The following MTHFD2L variants were observed in gnomAD, a reference collection of about 807,000 sequenced individuals.
MTHFD2L encodes bifunctional methylenetetrahydrofolate dehydrogenase/cyclohydrolase 2, mitochondrial.
MTHFD2L carries 29 observed loss-of-function variants against 34.9 expected under a neutral mutation model. The ratio of observed to expected loss-of-function variants is 0.83; its 90% CI spans 0.62 to 1.13. The LOEUF (loss-of-function observed/expected upper bound fraction) is 1.13, where lower values mean the gene tolerates loss of function less well. Ranked by LOEUF, MTHFD2L falls within the 50% of genes most tolerant of loss-of-function variation. The probability of loss-of-function intolerance (pLI) is 0.00; values close to 1 mark genes in which losing one functional copy is unlikely to be tolerated. For missense variants in MTHFD2L, 481 were observed against 446.5 expected (o/e 1.08, Z -0.70); for synonymous variants, 167 against 155.7 (o/e 1.07, Z -0.54).
At chr4:74,215,765 G>A (rs1277521199) in intron 5 of MTHFD2L, among the ~76,000 whole-genome samples, 1 of 151,760 alleles carries the variant, frequency 6.6e-6, no homozygotes, top group African/African-American at 2.4e-5. Flanking sequence ...AAGGGGAGGA[G>A]AGGGCTGGAA....
At position 74,291,003 on chromosome 4, in the gene MTHFD2L, C is replaced by CTTTTTTTTTTTTT. The variant is rs10585551; in HGVS notation, c.931+9473_931+9485dup. Among the ~76,000 whole-genome samples, 80 of 29,280 alleles carry CTTTTTTTTTTTTT rather than the reference C, an allele frequency of 2.7e-3. 15 individuals are homozygous for CTTTTTTTTTTTTT. The highest frequency in any genetic ancestry group is 5.5e-3 in the African/African-American group (52 of 9,398). 19.2% of individuals were successfully genotyped at this position (29,280 alleles called of 152,430 possible). A position where few individuals can be genotyped will look rare whatever the true frequency, so the allele number is the denominator to read the frequency against. On this transcript the variant is annotated intron_variant, in intron 7 of 7. Coordinates refer to ENST00000325278, the MANE Select transcript of MTHFD2L (RefSeq NM_001144978.3). ...CTGTCTTACATTTATTTTTCCTTTTCTTTTTTTTTTTTTTTTTTTTTTTTT... is the reference window on the plus strand; with the variant it reads ...CTGTCTTACATTTATTTTTCCTTTTCTTTTTTTTTTTTTTTTTTTTTTTTTTTTTTTTTTTTTT...
intron 5 of MTHFD2L, among the ~76,000 whole-genome samples, chr4:74,221,536 A>C (rs1463446577): frequency 6.6e-5 from 10 of 151,090 alleles, no homozygotes; most frequent in Admixed American, 1.3e-4. Context: ...TTTAGTGCTG[A>C]ATTTTTGTTT....
At chr4:74,244,722 A>C (rs927310695) in intron 6 of MTHFD2L, among the ~76,000 whole-genome samples, 6 of 152,224 alleles carry the variant, frequency 3.9e-5, no homozygotes, top group African/African-American at 1.4e-4. Context: ...AATATTACAG[A>C]GTTCATTGAA....
upstream of MTHFD2L, among the ~76,000 whole-genome samples, chr4:74,118,715 G>T (rs1721698023): frequency 1.3e-5 from 2 of 152,154 alleles, no homozygotes; most frequent in Admixed American, 1.3e-4. Context: ...AACTGACAGT[G>T]GTCCATGGCT....
chr4:74,247,077 C>G, intron 6 of MTHFD2L, among the ~76,000 whole-genome samples: 1 of 146,446 alleles, frequency 6.8e-6, no homozygotes, highest in Middle Eastern at 3.2e-3. Flanking sequence ...GGCAGTATGG[C>G]CATTTTCACA....
chr4:74,236,512 T>C (rs1740859674), intron 6 of MTHFD2L, among the ~76,000 whole-genome samples: 1 of 152,254 alleles, frequency 6.6e-6, no homozygotes, highest in South Asian at 2.1e-4. Flanking sequence ...CCTTGTCCTT[T>C]ATTCCTTCAC....
In MTHFD2L at chr4:74,230,843, T is replaced by C. The variant is rs188158720; in HGVS notation, c.805+5449T>C. Among the ~76,000 whole-genome samples, 98 of 152,284 alleles carry C rather than the reference T, an allele frequency of 6.4e-4. 1 individual carries two copies. Among genetic ancestry groups the C allele is most frequent in the African/African-American group, 2.2e-3 (92 of 41,564 alleles). The stretch of plus-strand genomic sequence containing the variant: ...GCTTTAAGGAAACTGTAGGCTATCC[T>C]AAGTCTGTAAAATTCTAGGAATCTT... On this transcript the variant is annotated intron_variant, in intron 6 of 7. Transcript: ENST00000325278.
chr4:74,187,009 T>C (rs373987410), intron 3 of MTHFD2L, among the ~76,000 whole-genome samples: 2 of 152,162 alleles, frequency 1.3e-5, no homozygotes, highest in African/African-American at 4.8e-5. Context: ...TTCACACTTA[T>C]ATTGATAACT....
chr4:74,215,361 C>T (rs1173925602), intron 5 of MTHFD2L, among the ~76,000 whole-genome samples: 6 of 151,808 alleles, frequency 4.0e-5, no homozygotes, highest in South Asian at 2.1e-4. Flanking sequence ...CTGCAGGTTG[C>T]GAAGACTGTG....
chr4:74,174,864 A>G (rs1305026223), intron 2 of MTHFD2L, among the ~76,000 whole-genome samples, 174 bp downstream of exon 2: 1 of 152,120 alleles, frequency 6.6e-6, no homozygotes, highest in Non-Finnish European at 1.5e-5. Flanking sequence ...TTTTCTTCAA[A>G]TTTCTTATAG....
At chr4:74,257,772 T>G (rs1378539374) in intron 6 of MTHFD2L, among the ~76,000 whole-genome samples, 6 of 152,166 alleles carry the variant, frequency 3.9e-5, no homozygotes, top group Non-Finnish European at 8.8e-5. Flanking sequence ...GAAAAGCTTC[T>G]TCACAGCAAA....
At chr4:74,268,644 T>A (rs1745597657) in intron 6 of MTHFD2L, among the ~76,000 whole-genome samples, 1 of 152,216 alleles carries the variant, frequency 6.6e-6, no homozygotes, top group Non-Finnish European at 1.5e-5. Flanking sequence ...CAGGATGGCT[T>A]GACTGAGCCA....
chr4:74,131,904 G>T (rs1020353586), intron 1 of MTHFD2L, among the ~76,000 whole-genome samples: 1 of 151,806 alleles, frequency 6.6e-6, no homozygotes, highest in African/African-American at 2.4e-5. Flanking sequence ...AAACAAACAT[G>T]CCCATCAAAA....
At chr4:74,280,328 G>A (rs1747275107) in intron 6 of MTHFD2L, 1 of 152,092 alleles carries the variant, frequency 6.6e-6, no homozygotes, top group Admixed American at 6.6e-5. Context: ...ACTCACTCTT[G>A]GAAGCCAGCT....
intron 3 of MTHFD2L, among the ~76,000 whole-genome samples, chr4:74,176,882 T>C (rs1214552480): frequency 1.3e-5 from 2 of 152,018 alleles, no homozygotes; most frequent in Non-Finnish European, 2.9e-5. Flanking sequence ...ATAATGCTAT[T>C]ATATGGGATC....
At chr4:74,175,233 AC>A (rs760442590) in intron 2 of MTHFD2L, 47 bp from the exon 3 acceptor site, 1 of 1,593,160 alleles carries the variant, frequency 6.3e-7, no homozygotes, top group Non-Finnish European at 8.6e-7. Flanking sequence ...TTGATGAAAA[AC>A]CATATTCAGT....
chr4:74,143,006 T>G (rs937297073), intron 1 of MTHFD2L, among the ~76,000 whole-genome samples: 43 of 152,344 alleles, frequency 2.8e-4, no homozygotes, highest in African/African-American at 9.6e-4. Context: ...GATGGATGCA[T>G]GTGTTACTGA....
chr4:74,119,985 A>T (rs551558704), upstream of MTHFD2L, among the ~76,000 whole-genome samples: 2 of 144,598 alleles, frequency 1.4e-5, no homozygotes, highest in African/African-American at 5.5e-5. Flanking sequence ...TTTTCAAAAG[A>T]AAAAAAAAAG....
chr4:74,262,061 G>A (rs1245048242), intron 6 of MTHFD2L, among the ~76,000 whole-genome samples: 1 of 137,216 alleles, frequency 7.3e-6, no homozygotes, highest in Admixed American at 7.3e-5. Flanking sequence ...ACAAATAATG[G>A]GGAAGGATGA....
Sources: gnomAD v4.1 joint callset for allele counts (sites outside exome capture counted in the v4.1 genomes callset) on GRCh38, gnomAD v4.1.1 for gene constraint, MANE v1.5 for transcripts, NCBI Gene and HGNC (gene_info 2026-07-23, HGNC 2026-07-21) for gene names.